ZNF717: variants seen among roughly 807,000 people sequenced by gnomAD.
ZNF717 encodes the protein zinc finger protein 717, also known as krueppel-like factor X17.
A neutral mutation model predicts 13.8 loss-of-function variants in ZNF717; 9 were observed. The ratio of observed to expected loss-of-function variants is 0.65; its 90% CI spans 0.39 to 1.14. The LOEUF (loss-of-function observed/expected upper bound fraction) is 1.14. ZNF717 is among the 50% of genes most tolerant of loss of function. The pLI is 0.01. For missense variants in ZNF717, 1,040 were observed against 1,080.7 expected, an observed-to-expected ratio of 0.96 and a Z score of 0.53; for synonymous variants, 327 against 364.1, an observed-to-expected ratio of 0.90 and a Z score of 1.16.
rs2106985103 is a variant in ZNF717, at chr3:75,736,193, T to C, written c.*685A>G. On this transcript the variant is annotated 3_prime_UTR_variant, in exon 5 of 5. Coordinates refer to ENST00000652011, the MANE Select transcript of ZNF717 (RefSeq NM_001290208.3). Reference sequence around the variant, plus strand: ...CTAGTCATTTCCCTGTCTCTGTTTCTCTCTTCTAGCTCCCCATTCCCCAAG... The same window carrying C: ...CTAGTCATTTCCCTGTCTCTGTTTCCCTCTTCTAGCTCCCCATTCCCCAAG... 1 of 152,412 alleles carries C rather than the reference T, an allele frequency of 6.6e-6. No individual in the cohort carries two copies. The highest frequency in any genetic ancestry group is 1.9e-4 in the East Asian group (1 of 5,192). 9.4% of individuals were successfully genotyped at this position (152,412 alleles called of 1,614,324 possible). A position where few individuals can be genotyped will look rare whatever the true frequency, so the allele number is the denominator to read the frequency against.
intron 4 of ZNF717, among the ~76,000 whole-genome samples, chr3:75,722,848 GTTC>G (rs71838834): frequency 0.32 from 47,434 of 147,314 alleles, 8,794 homozygotes; most frequent in Non-Finnish European, 0.42. Flanking sequence ...GCCAACTATT[GTTC>G]TTCTTCTTTG....
At chr3:75,722,091 C>CAA (rs3035116) in intron 4 of ZNF717, among the ~76,000 whole-genome samples, 4 of 137,938 alleles carry the variant, frequency 2.9e-5, no homozygotes, top group African/African-American at 8.1e-5. Flanking sequence ...ACTAAAAATA[C>CAA]AAAAAAAAAA....
chr3:75,764,277 C>A (rs1943256672), intron 2 of ZNF717, among the ~76,000 whole-genome samples: 1 of 152,152 alleles, frequency 6.6e-6, no homozygotes, highest in Non-Finnish European at 1.5e-5. Flanking sequence ...AACACAAATC[C>A]TCCATGGTCA....
intron 6 of ZNF717, among the ~76,000 whole-genome samples, chr3:75,700,962 C>T (rs1209972333): frequency 3.9e-5 from 6 of 152,292 alleles, no homozygotes. Context: ...GTCAGAAAGC[C>T]TTTTTAAGGT....
At chr3:75,757,567 T>C (rs1942603704) in intron 2 of ZNF717, among the ~76,000 whole-genome samples, 1 of 152,164 alleles carries the variant, frequency 6.6e-6, no homozygotes, top group Non-Finnish European at 1.5e-5. Context: ...TTTACAGAGA[T>C]GTATAAAGAG....
intron 2 of ZNF717, among the ~76,000 whole-genome samples, chr3:75,774,733 G>A (rs192910194): frequency 6.9e-6 from 1 of 144,022 alleles, no homozygotes; most frequent in East Asian, 2.1e-4. Flanking sequence ...CCATTTTCCT[G>A]CCTCAGCCTC....
At chr3:75,735,409 T>C (rs1193562707), downstream of ZNF717, among the ~76,000 whole-genome samples, 3 of 152,016 alleles carry the variant, frequency 2.0e-5, no homozygotes, top group African/African-American at 7.3e-5. Context: ...AAAGATGGCT[T>C]GAGTCCAGGA....
intron 6 of ZNF717, among the ~76,000 whole-genome samples, chr3:75,699,086 C>T (rs1470757646): frequency 6.6e-6 from 1 of 152,128 alleles, no homozygotes; most frequent in African/African-American, 2.4e-5. Flanking sequence ...TTTCATGGGT[C>T]CTGTGGTCCA....
At chr3:75,771,089 C>T (rs1943839895) in intron 2 of ZNF717, among the ~76,000 whole-genome samples, 1 of 152,154 alleles carries the variant, frequency 6.6e-6, no homozygotes, top group South Asian at 2.1e-4. Context: ...AGACTGAAAA[C>T]CTAACTTAAG....
chr3:75,757,829 T>C (rs111953948), intron 2 of ZNF717, among the ~76,000 whole-genome samples: 25,315 of 151,532 alleles, frequency 0.17, 2,095 homozygotes, highest in African/African-American at 0.18. Flanking sequence ...TTAGGAGAAG[T>C]TGGGGCCGGG....
chr3:75,707,726 C>A (rs1575714258), downstream of ZNF717, among the ~76,000 whole-genome samples: 1 of 151,966 alleles, frequency 6.6e-6, no homozygotes, highest in Non-Finnish European at 1.5e-5. Flanking sequence ...CAGATGGCAC[C>A]CGGAAAATCG....
chr3:75,748,779 C>T (rs1260027048), intron 2 of ZNF717, among the ~76,000 whole-genome samples: 2 of 152,146 alleles, frequency 1.3e-5, no homozygotes, highest in African/African-American at 4.8e-5. Context: ...TGAAAATGGG[C>T]ACAAACAGGG....
At chr3:75,782,842 G>A (rs1035297939) in intron 2 of ZNF717, among the ~76,000 whole-genome samples, 6 of 149,088 alleles carry the variant, frequency 4.0e-5, no homozygotes, top group African/African-American at 9.9e-5. Context: ...GTGCTTTAGC[G>A]GATGACGACC....
At chr3:75,702,489 CA>C (rs1937715692) in intron 6 of ZNF717, among the ~76,000 whole-genome samples, 2 of 33,656 alleles carry the variant, frequency 5.9e-5, no homozygotes, top group Admixed American at 3.1e-4. Flanking sequence ...AGTGACGGAA[CA>C]GGGGGATAGT....
intron 6 of ZNF717, among the ~76,000 whole-genome samples, chr3:75,702,502 G>T (rs74373636): frequency 0.1 from 7,828 of 75,042 alleles, no homozygotes; most frequent in African/African-American, 0.13. Context: ...GGGGATAGTG[G>T]GGGTGCTAAA....
At chr3:75,697,062 C>G (rs1336760666) in intron 6 of ZNF717, among the ~76,000 whole-genome samples, 5 of 152,336 alleles carry the variant, frequency 3.3e-5, no homozygotes, top group African/African-American at 9.6e-5. Flanking sequence ...GACAGACCAA[C>G]AGCTAGTATC....
chr3:75,771,054 C>T (rs1191974069), intron 2 of ZNF717, among the ~76,000 whole-genome samples: 1 of 152,202 alleles, frequency 6.6e-6, no homozygotes, highest in Non-Finnish European at 1.5e-5. Context: ...TGTGGACAAA[C>T]TGCAACCTAA....
At chr3:75,746,229 T>C (rs1475795359) in intron 2 of ZNF717, among the ~76,000 whole-genome samples, 1 of 152,242 alleles carries the variant, frequency 6.6e-6, no homozygotes, top group Non-Finnish European at 1.5e-5. Flanking sequence ...CTGCATAGTA[T>C]TCCATGGTGT....
chr3:75,704,915 TC>T (rs1937772864), downstream of ZNF717, among the ~76,000 whole-genome samples: 1 of 152,428 alleles, frequency 6.6e-6, no homozygotes, highest in South Asian at 2.1e-4. Context: ...TCAGAAAAGA[TC>T]AGCAGTAACC....
Sources: allele counts gnomAD v4.1 joint callset (sites outside exome capture counted in the v4.1 genomes callset), GRCh38; gene constraint gnomAD v4.1.1; transcripts MANE v1.5; gene names NCBI Gene and HGNC (gene_info 2026-07-23, HGNC 2026-07-21).